PRKN: variants seen among roughly 807,000 people sequenced by gnomAD.
The protein encoded by PRKN is parkin RBR E3 ubiquitin protein ligase.
In PRKN, 56 loss-of-function variants were observed where a neutral mutation model predicts 59.5. That is an observed-to-expected ratio of 0.94 (90% CI 0.76 to 1.18). The LOEUF (loss-of-function observed/expected upper bound fraction) is 1.18, where lower values mean the gene tolerates loss of function less well. Among genes scored for constraint, PRKN ranks in the 50% most tolerant of loss-of-function variants. The probability of loss-of-function intolerance (pLI) is 0.00; values close to 1 mark genes in which losing one functional copy is unlikely to be tolerated. For synonymous variants in PRKN, 250 were observed against 222.1 expected (o/e 1.13, Z -1.12); for missense variants, 657 against 596.4 (o/e 1.10, Z -1.06).
chr6:162,103,966 G>T (rs1370193436), intron 4 of PRKN, among the ~76,000 whole-genome samples: 2 of 152,200 alleles, frequency 1.3e-5, no homozygotes, highest in Non-Finnish European at 2.9e-5. Context: ...GGAGTCTCAG[G>T]GGATGGCAGC....
chr6:162,389,460 T>A (rs1027128176), intron 2 of PRKN, among the ~76,000 whole-genome samples: 2 of 151,982 alleles, frequency 1.3e-5, no homozygotes, highest in African/African-American at 4.8e-5. Flanking sequence ...TTAAAAGAAA[T>A]AAAAAACCTT....
intron 6 of PRKN, among the ~76,000 whole-genome samples, chr6:161,818,422 C>T (rs1262402437): frequency 1.3e-5 from 2 of 151,964 alleles, no homozygotes; most frequent in Admixed American, 1.3e-4. Flanking sequence ...GCTGCCTCAA[C>T]CTCCCATGCC....
chr6:161,706,074 C>T (rs763269836), intron 7 of PRKN, among the ~76,000 whole-genome samples: 3 of 151,934 alleles, frequency 2.0e-5, no homozygotes, highest in Non-Finnish European at 2.9e-5. Flanking sequence ...CTGTTCCACA[C>T]ATTGCAGCCC....
intron 6 of PRKN, among the ~76,000 whole-genome samples, chr6:161,873,565 A>G (rs149548601): frequency 6.6e-6 from 1 of 152,158 alleles, no homozygotes; most frequent in Admixed American, 6.6e-5. Flanking sequence ...CAGCCAGAAA[A>G]AAATGGAAAT....
chr6:161,880,490 G>GTAT (rs1794892639), intron 6 of PRKN, among the ~76,000 whole-genome samples: 2 of 152,098 alleles, frequency 1.3e-5, no homozygotes, highest in Admixed American at 6.5e-5. Flanking sequence ...TTCCCCCACA[G>GTAT]TATTAGGGTA....
At chr6:162,570,421 A>C (rs968927751) in intron 1 of PRKN, among the ~76,000 whole-genome samples, 1 of 152,234 alleles carries the variant, frequency 6.6e-6, no homozygotes, top group South Asian at 2.1e-4. Flanking sequence ...TTCCTCAAAA[A>C]CTAAAAATTA....
intron 6 of PRKN, among the ~76,000 whole-genome samples, chr6:161,954,393 G>C (rs1780096954): frequency 6.6e-6 from 1 of 152,142 alleles, no homozygotes; most frequent in Non-Finnish European, 1.5e-5. Flanking sequence ...GACAGAATTC[G>C]AAGTACAGCC....
At chr6:161,902,550 T>TATCTATCTATCTATCTATCTATCTATC (rs1554245408) in intron 6 of PRKN, among the ~76,000 whole-genome samples, 26 of 101,378 alleles carry the variant, frequency 2.6e-4, no homozygotes, top group Non-Finnish European at 3.7e-4. Flanking sequence ...ATCTATCTAT[T>TATCTATCTATCTATCTATCTATCTATC]TATTTATTTA....
In PRKN at chr6:161,477,049, C is replaced by A. The variant is rs1791119020; in HGVS notation, c.1083+71805G>T. On this transcript the variant is annotated intron_variant, in intron 9 of 11. Transcript: ENST00000366898. ...TGGATGATGTTGGAGAGTGAGGTAT[C>A]CTGAGGAAAAGCCAACAGCACTTAA... 3.9e-5 allele frequency among the ~76,000 whole-genome samples: 6 copies of A among 152,152 alleles called. No homozygotes were observed. In the South Asian group the frequency reaches 1.2e-3, roughly 31 times the overall value.
intron 4 of PRKN, among the ~76,000 whole-genome samples, chr6:162,093,578 A>G (rs768669959): frequency 3.9e-5 from 6 of 152,174 alleles, no homozygotes; most frequent in South Asian, 2.1e-4. Flanking sequence ...GTTCAAACAG[A>G]TTTCACCTCA....
intron 2 of PRKN, among the ~76,000 whole-genome samples, chr6:162,287,958 G>C (rs934084566): frequency 2.0e-5 from 3 of 152,252 alleles, no homozygotes; most frequent in Middle Eastern, 3.4e-3. Flanking sequence ...CTTGGGGTGG[G>C]CTTGGGGCTC....
intron 4 of PRKN, among the ~76,000 whole-genome samples, chr6:162,200,059 G>T (rs1784657067): frequency 6.6e-6 from 1 of 152,110 alleles, no homozygotes; most frequent in Non-Finnish European, 1.5e-5. Context: ...ATACAATTTT[G>T]CTGTGGTTTC....
At chr6:162,141,047 G>A (rs993908468) in intron 4 of PRKN, among the ~76,000 whole-genome samples, 9 of 151,892 alleles carry the variant, frequency 5.9e-5, no homozygotes, top group South Asian at 2.1e-4. Flanking sequence ...GGAGAATGGC[G>A]TGAACCCGGG....
chr6:161,380,945 C>A (rs1443804660), intron 10 of PRKN, among the ~76,000 whole-genome samples: 1 of 152,140 alleles, frequency 6.6e-6, no homozygotes, highest in Non-Finnish European at 1.5e-5. Context: ...CAAGCCATGC[C>A]CACTCCAGTT....
chr6:162,302,601 A>T (rs1782009217), intron 2 of PRKN, among the ~76,000 whole-genome samples: 1 of 152,064 alleles, frequency 6.6e-6, no homozygotes, highest in Non-Finnish European at 1.5e-5. Flanking sequence ...ATTCTGCCAC[A>T]GCTACCTGAG....
chr6:162,516,335 C>T (rs912775496), intron 1 of PRKN, among the ~76,000 whole-genome samples: 1 of 152,222 alleles, frequency 6.6e-6, no homozygotes, highest in African/African-American at 2.4e-5. Flanking sequence ...GCACCATACA[C>T]ATCTGCACAC....
At chr6:162,513,671 T>TA (rs1339049949) in intron 1 of PRKN, among the ~76,000 whole-genome samples, 3 of 152,132 alleles carry the variant, frequency 2.0e-5, no homozygotes, top group African/African-American at 7.2e-5. Flanking sequence ...AAACCAGACT[T>TA]AGAGGATGGA....
At chr6:161,770,531 C>T (rs1789622043) in intron 7 of PRKN, among the ~76,000 whole-genome samples, 3 of 151,886 alleles carry the variant, frequency 2.0e-5, no homozygotes, top group Admixed American at 1.3e-4. Flanking sequence ...GCAATGGTGC[C>T]GTCTCAGCTC....
chr6:162,428,415 C>T (rs920886537), intron 2 of PRKN, among the ~76,000 whole-genome samples: 1 of 152,088 alleles, frequency 6.6e-6, no homozygotes, highest in Non-Finnish European at 1.5e-5. Flanking sequence ...TCTGTTCTAA[C>T]CTCAACAACA....
Sources: gnomAD v4.1 joint callset for allele counts (sites outside exome capture counted in the v4.1 genomes callset) on GRCh38, gnomAD v4.1.1 for gene constraint, MANE v1.5 for transcripts, NCBI Gene and HGNC (gene_info 2026-07-23, HGNC 2026-07-21) for gene names.